CSRNP3: variants seen among roughly 807,000 people sequenced by gnomAD.
The protein encoded by CSRNP3 is cysteine/serine-rich nuclear protein 3.
Under a neutral mutation model 48.0 loss-of-function variants are expected in CSRNP3, and 12 were observed. That is an observed-to-expected ratio of 0.25 (90% CI 0.16 to 0.41). CSRNP3 has a LOEUF of 0.41. Among genes scored for constraint, CSRNP3 ranks in the 10% least tolerant of loss-of-function variants. The pLI, the probability that CSRNP3 is intolerant of heterozygous loss-of-function variation, is 1.00. For missense variants in CSRNP3, 580 were observed against 724.4 expected, an observed-to-expected ratio of 0.80 and a Z score of 2.29; for synonymous variants, 263 against 269.7, an observed-to-expected ratio of 0.98 and a Z score of 0.24.
At chr2:165,654,872 C>T (rs186205458) in intron 4 of CSRNP3, among the ~76,000 whole-genome samples, 5 of 152,258 alleles carry the variant, frequency 3.3e-5, no homozygotes, top group African/African-American at 4.8e-5. Flanking sequence ...TCAGGTGATC[C>T]GCCTGTCTTG....
At chr2:165,665,982 AAGAG>A (rs1208741540) in intron 5 of CSRNP3, among the ~76,000 whole-genome samples, 1 of 47,788 alleles carries the variant, frequency 2.1e-5, no homozygotes, top group Non-Finnish European at 4.8e-5. Flanking sequence ...GGAAGAAAGA[AAGAG>A]AGAAAGGAAG....
rs762249469 is a variant in CSRNP3, at chr2:165,679,777, A to C, written c.*24A>C. On this transcript the variant is annotated 3_prime_UTR_variant, in exon 7 of 7. Transcript: ENST00000651982. ...AGTAGCTTAAATTATTCTAGGACCA[A>C]CTCTTCTCTTATTTAAGGCACTGTA... is the stretch of plus-strand genomic sequence containing the variant. 1 of 1,588,774 alleles carries C rather than the reference A, an allele frequency of 6.3e-7. No homozygotes were observed. Among genetic ancestry groups the C allele is most frequent in the African/African-American group, 1.4e-5 (1 of 73,960 alleles).
At chr2:165,615,850 A>G (rs1686230574) in intron 4 of CSRNP3, among the ~76,000 whole-genome samples, 2 of 145,056 alleles carry the variant, frequency 1.4e-5, no homozygotes, top group African/African-American at 5.1e-5. Context: ...ATATGGCACT[A>G]TAGGCACATA....
chr2:165,616,117 A>G (rs1686238917), intron 4 of CSRNP3, among the ~76,000 whole-genome samples: 1 of 151,962 alleles, frequency 6.6e-6, no homozygotes, highest in Admixed American at 6.6e-5. Context: ...TTGTGTTTTT[A>G]TCCATTCATC....
At chr2:165,629,146 G>A (rs183431618) in intron 4 of CSRNP3, among the ~76,000 whole-genome samples, 83 of 152,260 alleles carry the variant, frequency 5.5e-4, no homozygotes, top group African/African-American at 1.9e-3. Flanking sequence ...GACTGCTGCC[G>A]GCAATTCTGA....
intron 4 of CSRNP3, among the ~76,000 whole-genome samples, chr2:165,623,355 T>C (rs1171403175): frequency 2.6e-5 from 4 of 152,102 alleles, no homozygotes; most frequent in East Asian, 1.9e-4. Flanking sequence ...ACAGATCCTA[T>C]TGTGAACCGC....
intron 3 of CSRNP3, among the ~76,000 whole-genome samples, chr2:165,522,029 G>A (rs1313771318): frequency 6.6e-6 from 1 of 152,118 alleles, no homozygotes; most frequent in Non-Finnish European, 1.5e-5. Flanking sequence ...GGTGGCTCGT[G>A]CCTGTAATCC....
intron 1 of CSRNP3, among the ~76,000 whole-genome samples, chr2:165,482,117 A>C (rs1460965571): frequency 6.6e-6 from 1 of 152,176 alleles, no homozygotes; most frequent in East Asian, 1.9e-4. Context: ...AATAGCTACT[A>C]TTAGCCCCAT....
chr2:165,553,253 C>G (rs1008086853), intron 3 of CSRNP3, among the ~76,000 whole-genome samples: 1 of 152,062 alleles, frequency 6.6e-6, no homozygotes, highest in South Asian at 2.1e-4. Context: ...TGGGACCTAC[C>G]CTGCATTGAT....
intron 5 of CSRNP3, among the ~76,000 whole-genome samples, chr2:165,666,050 A>AAGAAAG (rs1553484271): frequency 9.7e-6 from 1 of 103,086 alleles, no homozygotes; most frequent in African/African-American, 3.9e-5. Flanking sequence ...GAAGGAAGGA[A>AAGAAAG]AGAGAGAGGA....
chr2:165,677,769 A>T (rs1687451726), intron 6 of CSRNP3, among the ~76,000 whole-genome samples: 1 of 152,144 alleles, frequency 6.6e-6, no homozygotes, highest in South Asian at 2.1e-4. Flanking sequence ...CTGCATACAG[A>T]TTAATCTGTG....
At chr2:165,633,383 C>G (rs1481745663) in intron 4 of CSRNP3, among the ~76,000 whole-genome samples, 2 of 152,114 alleles carry the variant, frequency 1.3e-5, no homozygotes, top group Non-Finnish European at 2.9e-5. Flanking sequence ...ATTCTGGCAT[C>G]GATAATATTT....
intron 4 of CSRNP3, among the ~76,000 whole-genome samples, chr2:165,635,091 G>A (rs1398723038): frequency 2.0e-5 from 3 of 152,192 alleles, no homozygotes; most frequent in Non-Finnish European, 2.9e-5. Flanking sequence ...GGAGCTGATT[G>A]CTCTCCCTCT....
chr2:165,522,134 T>C (rs1340980676), intron 3 of CSRNP3, among the ~76,000 whole-genome samples: 1 of 151,800 alleles, frequency 6.6e-6, no homozygotes, highest in Non-Finnish European at 1.5e-5. Context: ...CTACAAAAAA[T>C]ACAAAAAATT....
At chr2:165,571,163 C>T (rs985603619) in intron 3 of CSRNP3, among the ~76,000 whole-genome samples, 2 of 151,518 alleles carry the variant, frequency 1.3e-5, no homozygotes, top group East Asian at 3.9e-4. Context: ...TTATAAGTGC[C>T]GTTAAGTTAC....
At chr2:165,587,057 C>A (rs530135599) in intron 3 of CSRNP3, among the ~76,000 whole-genome samples, 4 of 152,158 alleles carry the variant, frequency 2.6e-5, no homozygotes, top group African/African-American at 9.6e-5. Context: ...TTAGTTTTTT[C>A]TTGCAGACAG....
chr2:165,574,023 C>T (rs1238325087), intron 3 of CSRNP3: 2 of 234,596 alleles, frequency 8.5e-6, no homozygotes, highest in East Asian at 1.7e-4. Flanking sequence ...TAAAACAAAG[C>T]GTTAAAATCG....
chr2:165,567,782 A>T (rs185072973), intron 3 of CSRNP3, among the ~76,000 whole-genome samples: 23 of 152,192 alleles, frequency 1.5e-4, no homozygotes, highest in Admixed American at 1.1e-3. Flanking sequence ...CAAGAAAAAA[A>T]TATAAACACT....
chr2:165,534,335 G>C (rs1306933221), intron 3 of CSRNP3, among the ~76,000 whole-genome samples: 1 of 151,908 alleles, frequency 6.6e-6, no homozygotes, highest in Non-Finnish European at 1.5e-5. Flanking sequence ...ATCTGAGTTT[G>C]TGACGTCTGC....
Sources: gnomAD v4.1 joint callset for allele counts (sites outside exome capture counted in the v4.1 genomes callset) on GRCh38, gnomAD v4.1.1 for gene constraint, MANE v1.5 for transcripts, NCBI Gene and HGNC (gene_info 2026-07-23, HGNC 2026-07-21) for gene names.